ODAD2: variants seen among roughly 807,000 people sequenced by gnomAD.
The protein encoded by ODAD2 is outer dynein arm-docking complex subunit 2.
A neutral mutation model predicts 106.8 loss-of-function variants in ODAD2; 89 were observed. That is an observed-to-expected ratio of 0.83 (90% CI 0.70 to 0.99). The LOEUF is 0.99. Among genes scored for constraint, ODAD2 ranks in the 50% least tolerant of loss-of-function variants. The pLI, the probability that ODAD2 is intolerant of heterozygous loss-of-function variation, is 0.00. For synonymous variants in ODAD2, 404 were observed against 436.2 expected, an observed-to-expected ratio of 0.93 and a Z score of 0.92; for missense variants, 1,168 against 1,238.5, an observed-to-expected ratio of 0.94 and a Z score of 0.85.
At chr10:27,993,404 C>T (rs892552522) in intron 2 of ODAD2, among the ~76,000 whole-genome samples, 1 of 151,992 alleles carries the variant, frequency 6.6e-6, no homozygotes, top group African/African-American at 2.4e-5. Context: ...AATTCTAACA[C>T]TTTGGGAGGC....
rs569965241 is a variant in ODAD2, at chr10:27,902,731, T to C, written c.2610+4932A>G. On this transcript the variant is annotated intron_variant, in intron 17 of 19. Transcript: ENST00000305242. Reference sequence around the variant, plus strand: ...GATAAATTCCTGGACACATACACCCTCCCAAGTCTAAACCAGGAAGAAATC... The same window carrying C: ...GATAAATTCCTGGACACATACACCCCCCCAAGTCTAAACCAGGAAGAAATC... 5.9e-5 allele frequency among the ~76,000 whole-genome samples: 9 copies of C among 152,152 alleles called. No individual in the cohort carries two copies. In the South Asian group the frequency reaches 1.5e-3, roughly 25 times the overall value.
chr10:27,882,215 AAG>A (rs1199072661), intron 17 of ODAD2, among the ~76,000 whole-genome samples: 12 of 151,652 alleles, frequency 7.9e-5, no homozygotes, highest in African/African-American at 1.7e-4. Flanking sequence ...GAAAGAAAGA[AAG>A]AAAGAAAGAA....
chr10:27,912,555 G>T (rs918926564), intron 16 of ODAD2, among the ~76,000 whole-genome samples: 1 of 152,156 alleles, frequency 6.6e-6, no homozygotes, highest in Non-Finnish European at 1.5e-5. Context: ...AACAGTTTGT[G>T]CCCATACTGT....
intron 1 of ODAD2, among the ~76,000 whole-genome samples, chr10:27,998,581 C>T (rs1293089289): frequency 1.3e-5 from 2 of 150,892 alleles, no homozygotes; most frequent in East Asian, 2.0e-4. Context: ...GAGGAGCAGA[C>T]GGTCCCCAAC....
intron 10 of ODAD2, among the ~76,000 whole-genome samples, chr10:27,960,697 T>C (rs934663010): frequency 1.1e-4 from 16 of 152,182 alleles, no homozygotes; most frequent in African/African-American, 2.9e-4. Flanking sequence ...TATATTTTTA[T>C]GGGGTACAAT....
At chr10:27,962,527 G>T (rs914863104) in intron 9 of ODAD2, among the ~76,000 whole-genome samples, 5 of 152,106 alleles carry the variant, frequency 3.3e-5, no homozygotes, top group African/African-American at 1.2e-4. Context: ...TACTTGCAAG[G>T]GCACAAGGTG....
intron 17 of ODAD2, among the ~76,000 whole-genome samples, chr10:27,884,295 TA>T (rs1841932337): frequency 1.3e-5 from 2 of 152,106 alleles, no homozygotes; most frequent in African/African-American, 4.8e-5. Flanking sequence ...ATGGAAACAT[TA>T]AATAAACAAC....
At chr10:27,902,558 A>C (rs1328826172) in intron 17 of ODAD2, among the ~76,000 whole-genome samples, 5 of 152,194 alleles carry the variant, frequency 3.3e-5, no homozygotes, top group African/African-American at 7.2e-5. Flanking sequence ...TAGCAAGACT[A>C]ATAAAAAAGA....
At chr10:27,929,263 T>G (rs892204881) in intron 16 of ODAD2, among the ~76,000 whole-genome samples, 1 of 152,144 alleles carries the variant, frequency 6.6e-6, no homozygotes, top group Non-Finnish European at 1.5e-5. Flanking sequence ...ATAAGGCAGA[T>G]AGATAAAACA....
intron 16 of ODAD2, among the ~76,000 whole-genome samples, chr10:27,921,649 A>G (rs945893316): frequency 1.3e-5 from 2 of 151,884 alleles, no homozygotes; most frequent in Admixed American, 6.6e-5. Context: ...TATTTGTATA[A>G]ATTATATTTC....
At chr10:27,827,206 C>A (rs1837112275) in intron 19 of ODAD2, among the ~76,000 whole-genome samples, 2 of 151,912 alleles carry the variant, frequency 1.3e-5, no homozygotes, top group African/African-American at 4.8e-5. Context: ...CCTTTCTTAA[C>A]CCATTATGAT....
intron 17 of ODAD2, among the ~76,000 whole-genome samples, chr10:27,884,015 T>C (rs1032966027): frequency 1.3e-5 from 2 of 151,772 alleles, no homozygotes; most frequent in African/African-American, 4.8e-5. Flanking sequence ...AAAGGATATT[T>C]GAAAAAATAA....
chr10:27,920,721 A>G (rs1224855977), intron 16 of ODAD2, among the ~76,000 whole-genome samples: 1 of 152,172 alleles, frequency 6.6e-6, no homozygotes, highest in East Asian at 1.9e-4. Flanking sequence ...TAAACCCTGA[A>G]AGGTCACGAA....
chr10:27,987,952 C>T (rs943827086), intron 2 of ODAD2, among the ~76,000 whole-genome samples: 3 of 150,798 alleles, frequency 2.0e-5, no homozygotes, highest in African/African-American at 7.3e-5. Context: ...TTTTACACCA[C>T]AGTAATTAGT....
intron 17 of ODAD2, among the ~76,000 whole-genome samples, chr10:27,904,618 G>A (rs1255041323): frequency 6.6e-6 from 1 of 152,192 alleles, no homozygotes; most frequent in Middle Eastern, 3.2e-3. Context: ...TGGTCTGTCT[G>A]CCTGTTCACA....
intron 10 of ODAD2, among the ~76,000 whole-genome samples, chr10:27,960,082 C>A (rs368633322): frequency 9.2e-5 from 14 of 151,812 alleles, no homozygotes; most frequent in Non-Finnish European, 1.0e-4. Flanking sequence ...TAAAGTATCA[C>A]GCTTAAAATG....
intron 7 of ODAD2, among the ~76,000 whole-genome samples, chr10:27,978,278 G>A (rs1026487071): frequency 2.0e-5 from 3 of 152,156 alleles, no homozygotes; most frequent in African/African-American, 7.2e-5. Flanking sequence ...CACCAAGGAA[G>A]ATCCTAAAGG....
intron 19 of ODAD2, among the ~76,000 whole-genome samples, chr10:27,825,200 T>A (rs1246921406): frequency 2.0e-5 from 3 of 152,162 alleles, no homozygotes; most frequent in Admixed American, 2.0e-4. Context: ...AAACCCAGAA[T>A]CTGTCCTGAC....
intron 19 of ODAD2, among the ~76,000 whole-genome samples, chr10:27,827,229 A>T (rs1837114494): frequency 6.6e-6 from 1 of 151,930 alleles, no homozygotes; most frequent in African/African-American, 2.4e-5. Context: ...GACTCAGGAC[A>T]TCATGGTATG....
Sources: gnomAD v4.1 joint callset for allele counts (sites outside exome capture counted in the v4.1 genomes callset) on GRCh38, gnomAD v4.1.1 for gene constraint, MANE v1.5 for transcripts, NCBI Gene and HGNC (gene_info 2026-07-23, HGNC 2026-07-21) for gene names.